Variants in SMARCA2 observed in about 807,000 individuals in gnomAD.
The protein encoded by SMARCA2 is SWI/SNF related BAF chromatin remodeling complex subunit ATPase 2, also known as SWI/SNF-related matrix-associated actin-dependent regulator of chromatin subfamily A member 2.
SMARCA2 carries 61 observed loss-of-function variants against 199.8 expected under a neutral mutation model. The observed-to-expected ratio is 0.31, with a 90% CI of 0.25 to 0.38. SMARCA2 has a LOEUF of 0.38. Among genes scored for constraint, SMARCA2 ranks in the 10% least tolerant of loss-of-function variants. The pLI, the probability that SMARCA2 is intolerant of heterozygous loss-of-function variation, is 1.00. For synonymous variants in SMARCA2, 935 were observed against 732.0 expected (o/e 1.28, Z -4.48); for missense variants, 1,344 against 2,012.2 (o/e 0.67, Z 6.35).
At position 2,017,946 on chromosome 9, in the gene SMARCA2, TG is replaced by T. The variant is rs1234153514; in HGVS notation, c.-37+2544del. ...GCTCCTTGTCCTCCGATCGATTGCGTGGAAAACTTTCCAGCGGGAGGCACCA... is the reference window on the plus strand; with the variant it reads ...GCTCCTTGTCCTCCGATCGATTGCGTGAAAACTTTCCAGCGGGAGGCACCA... On this transcript the variant is annotated intron_variant, in intron 1 of 33. Coordinates refer to ENST00000349721, the MANE Select transcript of SMARCA2 (RefSeq NM_003070.5). The surrounding 1 kb of genome is among the most constrained non-coding windows in gnomAD (Gnocchi z 8.8). 6.6e-6 allele frequency: 1 copy of T among 152,216 alleles called. No homozygotes were observed. Among genetic ancestry groups the T allele is most frequent in the Admixed American group, 6.5e-5 (1 of 15,288 alleles). The allele number at this position is 152,216 out of a possible 1,614,324, so 9.4% of individuals were successfully genotyped here.
chr9:2,042,100 T>A (rs1214774209), intron 4 of SMARCA2: 3 of 152,258 alleles, frequency 2.0e-5, no homozygotes, highest in Non-Finnish European at 4.4e-5. Context: ...AGCATTGTAC[T>A]TCTGTGTGTA....
At chr9:2,180,919 A>G (rs1826976850) in intron 29 of SMARCA2, among the ~76,000 whole-genome samples, 1 of 151,998 alleles carries the variant, frequency 6.6e-6, no homozygotes, top group African/African-American at 2.4e-5. Context: ...TTCTTCTTTC[A>G]CCCAAATTGC....
intron 27 of SMARCA2, among the ~76,000 whole-genome samples, chr9:2,129,042 G>C (rs1346037849): frequency 6.6e-6 from 1 of 152,136 alleles, no homozygotes; most frequent in Non-Finnish European, 1.5e-5. Flanking sequence ...AACCCTTTAG[G>C]CTTGATAATT....
At chr9:2,079,582 T>C (rs1219583646) in intron 14 of SMARCA2, among the ~76,000 whole-genome samples, 1 of 151,694 alleles carries the variant, frequency 6.6e-6, no homozygotes, top group Admixed American at 6.5e-5. Context: ...CTAATCATTT[T>C]GACCTCGTGG....
chr9:2,033,233 C>T, intron 3 of SMARCA2, 152 bp downstream of exon 3: 2 of 736,710 alleles, frequency 2.7e-6, no homozygotes, highest in Non-Finnish European at 2.1e-6. Context: ...CCTCCGTCCT[C>T]ACCAATACAA....
rs1822660065 is a variant in SMARCA2 at position 2,104,335 on chromosome 9, A to T, written c.3292+166A>T. 6.6e-6 allele frequency among the ~76,000 whole-genome samples: 1 copy of T among 152,202 alleles called. No homozygotes were observed. Among genetic ancestry groups the T allele is most frequent in the South Asian group, 2.1e-4 (1 of 4,832 alleles). On this transcript the variant is annotated intron_variant, in intron 23 of 33. Coordinates refer to ENST00000349721, the MANE Select transcript of SMARCA2 (RefSeq NM_003070.5). This position sits in a 1 kb window ranked among gnomAD's most constrained non-coding sequence, Gnocchi z 4.0. ...GCAATTTTTTGCATCCTTAAGCTTT[A>T]AATAAGCTGACCTCATTTGTGCAGC...
chr9:2,061,030 A>C (rs1318952812), intron 9 of SMARCA2, 44 bp downstream of exon 9: 2 of 1,583,010 alleles, frequency 1.3e-6, no homozygotes, highest in Admixed American at 3.5e-5. Context: ...GTGTATGGGC[A>C]GGGATAAGTT....
intron 9 of SMARCA2, among the ~76,000 whole-genome samples, chr9:2,066,228 A>G (rs1254557515): frequency 6.6e-6 from 1 of 152,250 alleles, no homozygotes; most frequent in Non-Finnish European, 1.5e-5. Context: ...TTTATAATAT[A>G]GATTGTAAAA....
chr9:2,176,203 T>TTTTTTTTTTTTTTTA (rs57519167), intron 29 of SMARCA2, among the ~76,000 whole-genome samples: 2 of 145,790 alleles, frequency 1.4e-5, no homozygotes, highest in African/African-American at 5.2e-5. Context: ...TTTTTTTTTT[T>TTTTTTTTTTTTTTTA]ATAATGACGT....
intron 13 of SMARCA2, 44 bp downstream of exon 13, chr9:2,076,373 G>A (rs1361658099): frequency 8.6e-7 from 1 of 1,163,458 alleles, no homozygotes; most frequent in Non-Finnish European, 1.3e-6. Flanking sequence ...GCATGAGGAT[G>A]ATGCTTAATG....
chr9:2,018,508 C>CAA (rs971431076), intron 1 of SMARCA2, among the ~76,000 whole-genome samples: 1 of 152,194 alleles, frequency 6.6e-6, no homozygotes, highest in Non-Finnish European at 1.5e-5. Flanking sequence ...TGTTAGAGCT[C>CAA]AAGGAAGACA....
intron 4 of SMARCA2, chr9:2,044,948 T>C (rs1395794708): frequency 5.3e-5 from 8 of 152,246 alleles, no homozygotes; most frequent in African/African-American, 1.9e-4. Flanking sequence ...GACTAGATTC[T>C]GGACCAGAGA....
chr9:2,099,351 A>T (rs77498707), intron 21 of SMARCA2, among the ~76,000 whole-genome samples: 6,363 of 152,186 alleles, frequency 0.042, 398 homozygotes, highest in African/African-American at 0.13. Flanking sequence ...ATGGTAATCT[A>T]TGGGGGCCTT....
intron 5 of SMARCA2, among the ~76,000 whole-genome samples, chr9:2,052,016 A>G (rs919752697): frequency 6.6e-6 from 1 of 152,222 alleles, no homozygotes; most frequent in Non-Finnish European, 1.5e-5. Context: ...TAATCTCACG[A>G]GTATCACTAG....
rs769321041 is a variant in SMARCA2, at chr9:2,116,016, G to A, written c.3651G>A (p.Leu1217=). 19 of 1,613,952 alleles carry A rather than the reference G, an allele frequency of 1.2e-5. No individual in the cohort carries two copies. The highest frequency in any genetic ancestry group is 1.5e-5 in the Non-Finnish European group (18 of 1,179,958). The change falls in exon 25 of 34, where the codon CTG becomes CTA. Residue 1217 remains leucine (L), a synonymous_variant. Coordinates refer to ENST00000349721, the MANE Select transcript of SMARCA2 (RefSeq NM_003070.5). The stretch of plus-strand genomic sequence containing the variant: ...CAAGCCACGAGCGGAGGGCATTCCT[G>A]CAGGCCATCTTGGAGCATGAGGAGG... The part of the protein sequence containing the change: ...KSSSHERRAF[L]QAILEHEEEN...
In SMARCA2 at chr9:2,123,755, A is replaced by T; in HGVS notation, c.3799A>T (p.Asn1267Tyr). The T allele has an allele frequency of 6.2e-7, 1 of 1,614,134 alleles. No individual in the cohort carries two copies. The highest frequency in any genetic ancestry group is 8.5e-7 in the Non-Finnish European group (1 of 1,180,010). Residue 1267 changes from asparagine to tyrosine, a missense_variant, in exon 27 of 34, where the codon AAC becomes TAC. Transcript: ENST00000349721. The surrounding 1 kb of genome is among the most constrained non-coding windows in gnomAD (Gnocchi z 4.1). ...DMDRRREDAR[N>Y]PKRKPRLMEE... Reference sequence around the variant, plus strand: ...GGACCGGCGGAGGGAAGATGCCCGGAACCCGAAACGGAAGCCCCGTTTAAT... The same window carrying T: ...GGACCGGCGGAGGGAAGATGCCCGGTACCCGAAACGGAAGCCCCGTTTAAT...
intron 1 of SMARCA2, among the ~76,000 whole-genome samples, chr9:2,026,024 A>G (rs148284494): frequency 1.8e-3 from 272 of 152,262 alleles, no homozygotes; most frequent in South Asian, 0.014. Context: ...GGACAGCTGG[A>G]AGGGACCTTT....
In SMARCA2 at chr9:2,086,686, G is replaced by A; in HGVS notation, c.2527-143G>A. 1 of 828,126 alleles carries A rather than the reference G, an allele frequency of 1.2e-6. No individual in the cohort carries two copies. The highest frequency in any genetic ancestry group is 1.6e-5 in the South Asian group (1 of 61,398). 51.3% of individuals were successfully genotyped at this position (828,126 alleles called of 1,614,324 possible). ...GGCCTATCAGGCATGAGACATTGTT[G>A]AGATTCCCTTGTCTCAAAGGTAATC... On this transcript the variant is annotated intron_variant, in intron 17 of 33. Transcript: ENST00000349721. The surrounding 1 kb of genome is among the most constrained non-coding windows in gnomAD (Gnocchi z 4.3).
intron 27 of SMARCA2, among the ~76,000 whole-genome samples, chr9:2,135,681 A>G (rs1824163356): frequency 1.3e-5 from 2 of 152,196 alleles, no homozygotes; most frequent in East Asian, 3.9e-4. Context: ...AGCTGGGATT[A>G]AAGGTGTGTG....
Sources: allele counts gnomAD v4.1 joint callset (sites outside exome capture counted in the v4.1 genomes callset), GRCh38; gene constraint gnomAD v4.1.1; non-coding constraint Gnocchi (gnomAD v3.1); transcripts MANE v1.5; gene names NCBI Gene and HGNC (gene_info 2026-07-23, HGNC 2026-07-21).